The following ACAT2 variants were observed in gnomAD, a reference collection of about 807,000 sequenced individuals.
The protein encoded by ACAT2 is acetyl-CoA acetyltransferase 2.
Under a neutral mutation model 37.1 loss-of-function variants are expected in ACAT2, and 26 were observed. The ratio of observed to expected loss-of-function variants is 0.70; its 90% CI spans 0.51 to 0.97. The LOEUF is 0.97. Among genes scored for constraint, ACAT2 ranks in the 50% least tolerant of loss-of-function variants. The pLI, the probability that ACAT2 is intolerant of heterozygous loss-of-function variation, is 0.00. For missense variants in ACAT2, 468 were observed against 489.0 expected, an observed-to-expected ratio of 0.96 and a Z score of 0.40; for synonymous variants, 156 against 163.6, an observed-to-expected ratio of 0.95 and a Z score of 0.35.
rs986008960 is a variant in ACAT2 at position 159,762,304 on chromosome 6, C to T, written c.55+162C>T. ...CCTGGAACCCTGCGGCTCCCGCGTT[C>T]CCTGACCTGGTGCTACAGCCCCACC... is the stretch of plus-strand genomic sequence containing the variant. On this transcript the variant is annotated intron_variant, in intron 1 of 8. Transcript: ENST00000367048. The T allele has an allele frequency of 3.3e-6, 4 of 1,220,470 alleles. No homozygotes were observed. The African/African-American group carries it at 4.6e-5, about 14-fold the overall frequency. 75.6% of individuals were successfully genotyped at this position (1,220,470 alleles called of 1,614,324 possible).
chr6:159,775,539 A>G (rs532863150), intron 5 of ACAT2: 1 of 492,198 alleles, frequency 2.0e-6, no homozygotes. Flanking sequence ...CAGAGCGTCC[A>G]TGACCACTGT....
chr6:159,778,708 C>T lies in ACAT2; in HGVS notation c.1073C>T (p.Ser358Phe), dbSNP rs1293863519. The T allele has an allele frequency of 1.2e-6, 2 of 1,614,226 alleles. No individual in the cohort carries two copies. The highest frequency in any genetic ancestry group is 2.2e-5 in the South Asian group (2 of 91,092). Residue 358 changes from serine to phenylalanine, a missense_variant, in exon 9 of 9, where the codon TCT becomes TTT. Physicochemically the swap from Ser to Phe is radical, Grantham distance 155. Coordinates refer to ENST00000367048, the MANE Select transcript of ACAT2 (RefSeq NM_005891.3). Reference protein sequence around the residue: ...AIALGHPLGASGCRILVTLLH... With the variant: ...AIALGHPLGAFGCRILVTLLH... Reference sequence around the variant, plus strand: ...GCCTTGGGCCACCCTCTTGGAGCATCTGGCTGTCGAATTCTTGTGACCCTG... The same window carrying T: ...GCCTTGGGCCACCCTCTTGGAGCATTTGGCTGTCGAATTCTTGTGACCCTG...
Position 159,778,676 on chromosome 6 carries a change from G to T in ACAT2, c.1041G>T (p.Gly347=), listed in dbSNP as rs1403560855. 6.2e-7 allele frequency: 1 copy of T among 1,614,060 alleles called. No homozygotes were observed. Among genetic ancestry groups the T allele is most frequent in the South Asian group, 1.1e-5 (1 of 91,076 alleles). Residue 347 remains glycine, a synonymous_variant, in exon 9 of 9, where the codon GGG becomes GGT. Transcript: ENST00000367048. ...CCCGTTAGGTCAATATTGAAGGAGG[G>T]GCTATAGCCTTGGGCCACCCTCTTG... The part of the protein sequence containing the change: ...LNPEKVNIEG[G]AIALGHPLGA...
rs1481670402 is a variant in ACAT2 at position 159,777,400 on chromosome 6, G to A, written c.856G>A (p.Val286Met). 3.7e-6 allele frequency: 6 copies of A among 1,614,206 alleles called. No homozygotes were observed. Among genetic ancestry groups the A allele is most frequent in the East Asian group, 2.2e-5 (1 of 44,884 alleles). ...AGCACGGATAGTTTCCTGGTCCCAA[G>A]TGGGTGTGGAGCCTTCCATTATGGG... ...PLARIVSWSQ[V>M]GVEPSIMGIG... Residue 286 changes from valine to methionine, a missense_variant, in exon 7 of 9, where the codon GTG becomes ATG. Physicochemically the swap from Val to Met is conservative, Grantham distance 21. Transcript: ENST00000367048.
rs1206459335 is a variant in ACAT2, at chr6:159,778,299, C to A, written c.1023+19C>A. On this transcript the variant is annotated intron_variant, in intron 8 of 8. Coordinates refer to ENST00000367048, the MANE Select transcript of ACAT2 (RefSeq NM_005891.3). ...AGAGAAGGTAAAGATGCACAAGTAA[C>A]CCTGAGAGCTTACCAGTGAATTTCA... 6 of 1,516,214 alleles carry A rather than the reference C, an allele frequency of 4.0e-6. No homozygotes were observed. The highest frequency in any genetic ancestry group is 3.6e-5 in the Admixed American group (2 of 55,528). 93.9% of individuals were successfully genotyped at this position (1,516,214 alleles called of 1,614,324 possible).
Position 159,775,188 on chromosome 6 carries a change from A to C in ACAT2, c.509A>C (p.Lys170Thr), listed in dbSNP as rs1389669200. 1.2e-6 allele frequency: 2 copies of C among 1,613,466 alleles called. No individual in the cohort carries two copies. The highest frequency in any genetic ancestry group is 2.7e-5 in the African/African-American group (2 of 74,916). ...TTCCCAGCTGAAAATGTAGCCAAAA[A>C]ATGGCAAGTGAGTAGAGAAGATCAG... ...MGITAENVAK[K>T]WQVSREDQDK... The change falls in exon 5 of 9, where the codon AAA (lysine) becomes ACA (threonine). Residue 170 changes from lysine (K) to threonine (T), a missense_variant. Coordinates refer to ENST00000367048, the MANE Select transcript of ACAT2 (RefSeq NM_005891.3).
intron 1 of ACAT2, 154 bp downstream of exon 1, chr6:159,762,296 C>T: frequency 1.7e-6 from 2 of 1,211,468 alleles, no homozygotes. Flanking sequence ...CCCTGCGGCT[C>T]CCGCGTTCCC....
chr6:159,777,381 GAT>G lies in ACAT2; in HGVS notation c.839_840del (p.Ile280SerfsTer36). 6.2e-7 allele frequency: 1 copy of G among 1,614,220 alleles called. No individual in the cohort carries two copies. The highest frequency in any genetic ancestry group is 1.3e-5 in the African/African-American group (1 of 75,054). On this transcript the variant is annotated frameshift_variant, in exon 7 of 9. Transcript: ENST00000367048. LOFTEE classifies it high-confidence loss of function. Reference protein sequence around the residue: ...DKRGLTPLARIVSWSQVGVEP... With the variant: ...DKRGLTPLARXVSWSQVGVEP... ...AACGTGGGCTTACACCTTTAGCACG[GAT>G]AGTTTCCTGGTCCCAAGTGGGTGTG...
At position 159,778,963 on chromosome 6, in the gene ACAT2, T is replaced by C; in HGVS notation, c.*134T>C. On this transcript the variant is annotated 3_prime_UTR_variant, in exon 9 of 9. Transcript: ENST00000367048. ...CACAAAAACCCAAGTTTACAGCTTG[T>C]ACTTTACTTTAATGTGTAATACTCA... 3.8e-6 allele frequency: 6 copies of C among 1,559,116 alleles called. No homozygotes were observed. Among genetic ancestry groups the C allele is most frequent in the Non-Finnish European group, 5.2e-6 (6 of 1,144,810 alleles).
intron 1 of ACAT2, chr6:159,762,543 G>A: frequency 1.5e-6 from 2 of 1,314,628 alleles, no homozygotes; most frequent in East Asian, 7.8e-5. Context: ...CTGGGGTCGG[G>A]CTGTCACACA....
chr6:159,777,405 T>C lies in ACAT2; in HGVS notation c.861T>C (p.Gly287=). 5 of 1,614,198 alleles carry C rather than the reference T, an allele frequency of 3.1e-6. No individual in the cohort carries two copies. Among genetic ancestry groups the C allele is most frequent in the Non-Finnish European group, 4.2e-6 (5 of 1,180,032 alleles). The change falls in exon 7 of 9, where the codon GGT becomes GGC. Residue 287 remains glycine, a synonymous_variant. Coordinates refer to ENST00000367048, the MANE Select transcript of ACAT2 (RefSeq NM_005891.3). Reference sequence around the variant, plus strand: ...GGATAGTTTCCTGGTCCCAAGTGGGTGTGGAGCCTTCCATTATGGGAATAG... The same window carrying C: ...GGATAGTTTCCTGGTCCCAAGTGGGCGTGGAGCCTTCCATTATGGGAATAG... ...LARIVSWSQV[G]VEPSIMGIGP...
chr6:159,778,188 T>G lies in ACAT2; in HGVS notation c.931T>G (p.Ser311Ala). ...IKQAVTKAGW[S>A]LEDVDIFEIN... ...CCTCTAGGTTACAAAAGCAGGTTGG[T>G]CACTGGAAGATGTTGACATATTTGA... The change falls in exon 8 of 9, where the codon TCA becomes GCA. Residue 311 changes from serine to alanine, a missense_variant. Transcript: ENST00000367048. 1 of 1,612,334 alleles carries G rather than the reference T, an allele frequency of 6.2e-7. No homozygotes were observed. The highest frequency in any genetic ancestry group is 8.5e-7 in the Non-Finnish European group (1 of 1,179,426).
At chr6:159,776,071 T>C (rs1780408221) in intron 5 of ACAT2, 79 bp from the exon 6 acceptor site, 5 of 1,487,294 alleles carry the variant, frequency 3.4e-6, no homozygotes, top group Non-Finnish European at 4.6e-6. Context: ...TCATGTTTAA[T>C]GGCAGAGAAC....
chr6:159,778,117 C>G, intron 7 of ACAT2, 53 bp from the exon 8 acceptor site: 1 of 1,245,502 alleles, frequency 8.0e-7, no homozygotes, highest in South Asian at 1.3e-5. Context: ...AATGGTTTAA[C>G]TTTAGCCTTT....
At chr6:159,772,905 G>T (rs1398586932) in intron 4 of ACAT2, among the ~76,000 whole-genome samples, 7 of 152,128 alleles carry the variant, frequency 4.6e-5, no homozygotes, top group Admixed American at 3.9e-4. Context: ...GTGGAGACGG[G>T]TCTCACTCTG....
chr6:159,762,646 G>A (rs1170418486), intron 1 of ACAT2: 3 of 1,441,798 alleles, frequency 2.1e-6, no homozygotes, highest in Non-Finnish European at 2.8e-6. Context: ...GCATGGGGTC[G>A]CATCCAGTCC....
Position 159,763,046 on chromosome 6 carries a change from G to A in ACAT2, c.183G>A (p.Leu61=). 6.2e-7 allele frequency: 1 copy of A among 1,611,578 alleles called. No homozygotes were observed. The change falls in exon 2 of 9, where the codon TTG becomes TTA. Residue 61 remains leucine (L), a synonymous_variant. Coordinates refer to ENST00000367048, the MANE Select transcript of ACAT2 (RefSeq NM_005891.3). ...DVSEVIFGHV[L]AAGCGQNPVR... ...CTGAGGTCATCTTTGGACATGTCTT[G>A]GCAGCAGGTAAGTCTCAGTGATTCC...
chr6:159,766,698 A>G (rs557940517), intron 2 of ACAT2, among the ~76,000 whole-genome samples: 6 of 152,228 alleles, frequency 3.9e-5, no homozygotes, highest in East Asian at 1.9e-4. Context: ...ACCGCGCCCA[A>G]CTATTTAAGC....
intron 6 of ACAT2, 136 bp from the exon 7 acceptor site, chr6:159,777,166 A>C: frequency 1.0e-6 from 1 of 991,660 alleles, no homozygotes; most frequent in South Asian, 1.6e-5. Flanking sequence ...TTCTATGTAA[A>C]GTCTGTTGAA....
Sources: gnomAD v4.1 joint callset for allele counts (sites outside exome capture counted in the v4.1 genomes callset) on GRCh38, gnomAD v4.1.1 for gene constraint, MANE v1.5 for transcripts, NCBI Gene and HGNC (gene_info 2026-07-23, HGNC 2026-07-21) for gene names.